The following SLC24A3 variants were observed in gnomAD, a reference collection of about 807,000 sequenced individuals.
SLC24A3 encodes the protein sodium/potassium/calcium exchanger 3.
Under a neutral mutation model 75.8 loss-of-function variants are expected in SLC24A3, and 28 were observed. That is an observed-to-expected ratio of 0.37 (90% confidence interval 0.27 to 0.51). SLC24A3 has a LOEUF of 0.51. Among genes scored for constraint, SLC24A3 ranks in the 20% least tolerant of loss-of-function variants. The pLI, the probability that SLC24A3 is intolerant of heterozygous loss-of-function variation, is 0.94. For missense variants in SLC24A3, 663 were observed against 847.8 expected, an observed-to-expected ratio of 0.78 and a Z score of 2.71; for synonymous variants, 372 against 334.1, an observed-to-expected ratio of 1.11 and a Z score of -1.24.
At chr20:19,546,657 T>G (rs1200679165) in intron 3 of SLC24A3, among the ~76,000 whole-genome samples, 1 of 152,184 alleles carries the variant, frequency 6.6e-6, no homozygotes, top group Admixed American at 6.5e-5. Context: ...ATTTTTAAGG[T>G]CCTTTCCAAT....
intron 2 of SLC24A3, among the ~76,000 whole-genome samples, chr20:19,376,002 A>G (rs1410800310): frequency 1.3e-5 from 2 of 152,194 alleles, no homozygotes; most frequent in Non-Finnish European, 2.9e-5. Context: ...AAATAAAGGG[A>G]AGTCGAGGAC....
Position 19,687,397 on chromosome 20 carries a change from T to C in SLC24A3, c.1324+2036T>C, listed in dbSNP as rs115921876. On this transcript the variant is annotated intron_variant, in intron 12 of 16. Coordinates refer to ENST00000328041, the MANE Select transcript of SLC24A3 (RefSeq NM_020689.4). Reference sequence around the variant, plus strand: ...CCTGCACAATCTCTCTACCTAAAGGTCAACTGTGCCATACAACACAGCAGA... The same window carrying C: ...CCTGCACAATCTCTCTACCTAAAGGCCAACTGTGCCATACAACACAGCAGA... 4.5e-3 allele frequency among the ~76,000 whole-genome samples: 680 copies of C among 152,184 alleles called. 5 individuals carry two copies. The highest frequency in any genetic ancestry group is 0.016 in the African/African-American group (658 of 41,514).
intron 2 of SLC24A3, among the ~76,000 whole-genome samples, chr20:19,415,346 A>T (rs1047859152): frequency 2.0e-5 from 3 of 152,138 alleles, no homozygotes; most frequent in Non-Finnish European, 4.4e-5. Flanking sequence ...CTGTGCCTTG[A>T]TTGTGCAGTG....
intron 1 of SLC24A3, among the ~76,000 whole-genome samples, chr20:19,260,773 G>A (rs767523482): frequency 6.6e-6 from 1 of 152,222 alleles, no homozygotes; most frequent in Non-Finnish European, 1.5e-5. Context: ...CATCATTGCT[G>A]TAGGCATCAT....
chr20:19,590,620 C>T (rs1027764513), intron 6 of SLC24A3, among the ~76,000 whole-genome samples: 1 of 152,162 alleles, frequency 6.6e-6, no homozygotes, highest in Non-Finnish European at 1.5e-5. Flanking sequence ...AGCGTGCTTC[C>T]GTACATGATC....
At chr20:19,310,339 A>G (rs6035291) in intron 2 of SLC24A3, among the ~76,000 whole-genome samples, 23,485 of 152,148 alleles carry the variant, frequency 0.15, 4,436 homozygotes, top group African/African-American at 0.43. Flanking sequence ...ATGAATTTCA[A>G]AAGTTCCCAG....
intron 3 of SLC24A3, among the ~76,000 whole-genome samples, chr20:19,554,524 A>G (rs927321214): frequency 6.6e-6 from 1 of 152,228 alleles, no homozygotes; most frequent in Non-Finnish European, 1.5e-5. Context: ...TGAGCATTAC[A>G]TAATTTCAGA....
intron 2 of SLC24A3, among the ~76,000 whole-genome samples, chr20:19,353,104 A>G (rs962131563): frequency 6.6e-6 from 1 of 152,210 alleles, no homozygotes; most frequent in Non-Finnish European, 1.5e-5. Context: ...GCCTAGGTGT[A>G]TAGTAGGCTA....
intron 9 of SLC24A3, among the ~76,000 whole-genome samples, chr20:19,678,730 C>T (rs2032567840): frequency 6.8e-6 from 1 of 146,796 alleles, no homozygotes; most frequent in African/African-American, 2.6e-5. Context: ...GGCGGAGGGG[C>T]TCCTCATTTC....
intron 8 of SLC24A3, among the ~76,000 whole-genome samples, chr20:19,669,331 A>T (rs1292520981): frequency 1.3e-5 from 2 of 152,048 alleles, no homozygotes; most frequent in African/African-American, 2.4e-5. Flanking sequence ...GTGAAAACCC[A>T]TCTCTACTGA....
At chr20:19,506,544 A>G (rs1256111042) in intron 2 of SLC24A3, among the ~76,000 whole-genome samples, 1 of 152,226 alleles carries the variant, frequency 6.6e-6, no homozygotes, top group Non-Finnish European at 1.5e-5. Flanking sequence ...CGTCTATGTG[A>G]ACTTGGACTG....
In SLC24A3 at chr20:19,681,913, A is replaced by T; in HGVS notation, c.823A>T (p.Met275Leu). Residue 275 changes from methionine to leucine, a missense_variant, in exon 10 of 17, where the codon ATG (methionine) becomes TTG (leucine). By Grantham distance (15) the Met-to-Leu change is conservative (BLOSUM62 2). Coordinates refer to ENST00000328041, the MANE Select transcript of SLC24A3 (RefSeq NM_020689.4). ...FERRTKGAGNMVNGLANNAEI... is the reference protein window; with the variant it reads ...FERRTKGAGNLVNGLANNAEI... Reference sequence around the variant, plus strand: ...GAGGAGGACAAAAGGTGCCGGGAACATGGTCAACGGATTGGCCAACAATGC... The same window carrying T: ...GAGGAGGACAAAAGGTGCCGGGAACTTGGTCAACGGATTGGCCAACAATGC... The T allele has an allele frequency of 1.2e-6, 2 of 1,614,214 alleles. No homozygotes were observed. The highest frequency in any genetic ancestry group is 1.7e-6 in the Non-Finnish European group (2 of 1,180,030).
At chr20:19,582,905 G>A (rs2031239051) in intron 4 of SLC24A3, among the ~76,000 whole-genome samples, 1 of 152,214 alleles carries the variant, frequency 6.6e-6, no homozygotes, top group Non-Finnish European at 1.5e-5. Context: ...GAAGTCGGAT[G>A]GGGAGGGTGG....
chr20:19,342,698 G>T (rs539935190), intron 2 of SLC24A3, among the ~76,000 whole-genome samples: 1 of 152,286 alleles, frequency 6.6e-6, no homozygotes, highest in South Asian at 2.1e-4. Flanking sequence ...TTAAAGAAAT[G>T]CCAATTCTTC....
At chr20:19,525,499 G>A (rs934452780) in intron 3 of SLC24A3, among the ~76,000 whole-genome samples, 11 of 152,104 alleles carry the variant, frequency 7.2e-5, no homozygotes, top group Non-Finnish European at 1.5e-4. Context: ...ATCCCACTGG[G>A]GAACTGGCAG....
At chr20:19,642,178 T>A (rs954701984) in intron 6 of SLC24A3, among the ~76,000 whole-genome samples, 4 of 152,256 alleles carry the variant, frequency 2.6e-5, no homozygotes, top group Non-Finnish European at 4.4e-5. Context: ...GGCCATGACC[T>A]CCTGGAAAAC....
At position 19,484,200 on chromosome 20, in the gene SLC24A3, G is replaced by A. The variant is rs192704489; in HGVS notation, c.272-31288G>A. On this transcript the variant is annotated intron_variant, in intron 2 of 16. Coordinates refer to ENST00000328041, the MANE Select transcript of SLC24A3 (RefSeq NM_020689.4). The stretch of plus-strand genomic sequence containing the variant: ...GATTTTTTCAAATTTGGGAATATTT[G>A]CGTATGCATAATGAGGTATCTTGGA... Among the ~76,000 whole-genome samples, 17 of 152,240 alleles carry A rather than the reference G, an allele frequency of 1.1e-4. No homozygotes were observed. The East Asian group carries it at 3.1e-3, about 28-fold the overall frequency.
chr20:19,406,205 TGTGC>T (rs1555791746), intron 2 of SLC24A3, among the ~76,000 whole-genome samples: 4 of 148,236 alleles, frequency 2.7e-5, no homozygotes, highest in Non-Finnish European at 4.4e-5. Flanking sequence ...TGTGTGTGTG[TGTGC>T]GTGCGTGTGT....
intron 6 of SLC24A3, among the ~76,000 whole-genome samples, chr20:19,649,484 A>G (rs934281383): frequency 1.3e-5 from 2 of 152,124 alleles, no homozygotes; most frequent in African/African-American, 4.8e-5. Flanking sequence ...CCATATCTAC[A>G]TTCCTATCTA....
Sources: allele counts gnomAD v4.1 joint callset (sites outside exome capture counted in the v4.1 genomes callset), GRCh38; gene constraint gnomAD v4.1.1; transcripts MANE v1.5; gene names NCBI Gene and HGNC (gene_info 2026-07-23, HGNC 2026-07-21).